Variants in THEMIS observed in about 807,000 individuals in gnomAD.
The protein encoded by THEMIS is protein THEMIS.
Under a neutral mutation model 52.6 loss-of-function variants are expected in THEMIS, and 37 were observed. That is an observed-to-expected ratio of 0.70 (90% confidence interval 0.54 to 0.93). The LOEUF (loss-of-function observed/expected upper bound fraction) is 0.93. Among genes scored for constraint, THEMIS ranks in the 40% least tolerant of loss-of-function variants. The pLI is 0.00. For synonymous variants in THEMIS, 292 were observed against 272.7 expected (o/e 1.07, Z -0.70); for missense variants, 808 against 763.1 (o/e 1.06, Z -0.69).
upstream of THEMIS, among the ~76,000 whole-genome samples, chr6:127,902,397 C>A (rs547277728): frequency 6.6e-6 from 1 of 151,242 alleles, no homozygotes; most frequent in East Asian, 1.9e-4. Context: ...GGAATCTACA[C>A]GTTTTCTTTA....
Position 127,900,996 on chromosome 6 carries a change from T to C in THEMIS, c.-64A>G. ...GAAACTTGTGGCTTCTGGGTGACAC[T>C]TGTCTGCAATTGCAGCCCCTGCTCA... On this transcript the variant is annotated 5_prime_UTR_variant, in exon 1 of 6. Coordinates refer to ENST00000368248, the MANE Select transcript of THEMIS (RefSeq NM_001010923.3). 8.1e-7 allele frequency: 1 copy of C among 1,242,228 alleles called. No homozygotes were observed. The highest frequency in any genetic ancestry group is 1.2e-5 in the South Asian group (1 of 83,088). The allele number at this position is 1,242,228 out of a possible 1,614,324, so 77.0% of individuals were successfully genotyped here.
At chr6:127,839,809 C>G (rs1243189526) in intron 2 of THEMIS, among the ~76,000 whole-genome samples, 1 of 152,108 alleles carries the variant, frequency 6.6e-6, no homozygotes, top group Admixed American at 6.6e-5. Context: ...CTCACCTAAG[C>G]ACTGCACATC....
chr6:127,813,615 G>A lies in THEMIS; in HGVS notation c.1026C>T (p.Phe342=). The change falls in exon 4 of 6, where the codon TTC becomes TTT. Residue 342 remains phenylalanine, a synonymous_variant. Coordinates refer to ENST00000368248, the MANE Select transcript of THEMIS (RefSeq NM_001010923.3). ...TTGGGAACTCCCTCGGTCGCCGCTT[G>A]AACTTGCCTTTATAGCTAGTGGGGA... ...FLIPTSYKGK[F]KRRPREFPTA... is the part of the protein sequence containing the mutation. 1 of 1,614,118 alleles carries A rather than the reference G, an allele frequency of 6.2e-7. No homozygotes were observed.
chr6:127,788,043 A>T (rs1777034829), intron 4 of THEMIS, among the ~76,000 whole-genome samples: 1 of 152,022 alleles, frequency 6.6e-6, no homozygotes, highest in African/African-American at 2.4e-5. Context: ...CACAGACAAG[A>T]GTTGAGTATA....
At chr6:127,699,132 C>T in the THEMIS span, among the ~76,000 whole-genome samples, 36 of 151,924 alleles carry the variant, frequency 2.4e-4, no homozygotes, top group East Asian at 5.8e-4. Context: ...AATCTAGTCT[C>T]TTTCAAGGTC....
upstream of THEMIS, among the ~76,000 whole-genome samples, chr6:127,904,105 T>C (rs1287278454): frequency 6.6e-6 from 1 of 151,974 alleles, no homozygotes; most frequent in Admixed American, 6.6e-5. Flanking sequence ...AGAACCTGAG[T>C]TGAGTTTTTG....
upstream of THEMIS, chr6:127,901,109 G>A: frequency 1.7e-6 from 1 of 591,988 alleles, no homozygotes. Context: ...TGAAGAGGGA[G>A]GGGGGAAGCA....
downstream of THEMIS, among the ~76,000 whole-genome samples, chr6:127,704,623 C>T (rs535986748): frequency 2.0e-5 from 3 of 152,276 alleles, no homozygotes; most frequent in African/African-American, 7.2e-5. Context: ...TGAAACTGCC[C>T]TCTTGAGCTA....
chr6:127,835,743 A>G (rs4897233), intron 2 of THEMIS, among the ~76,000 whole-genome samples: 58,562 of 151,516 alleles, frequency 0.39, 11,613 homozygotes, highest in East Asian at 0.59. Flanking sequence ...GCACAGATTG[A>G]GCAAAAATTT....
At chr6:127,791,634 G>C (rs1290815111) in intron 4 of THEMIS, among the ~76,000 whole-genome samples, 2 of 152,174 alleles carry the variant, frequency 1.3e-5, no homozygotes, top group African/African-American at 4.8e-5. Flanking sequence ...CCAGGAGCCT[G>C]TTTGCATCCT....
chr6:127,868,341 C>T, intron 1 of THEMIS: 1 of 659,558 alleles, frequency 1.5e-6, no homozygotes, highest in Non-Finnish European at 1.9e-6. Flanking sequence ...CAGTGTCCTC[C>T]TATGGATGGG....
intron 2 of THEMIS, among the ~76,000 whole-genome samples, chr6:127,850,751 G>T (rs1192313332): frequency 2.6e-5 from 4 of 151,720 alleles, no homozygotes; most frequent in African/African-American, 7.2e-5. Flanking sequence ...TTGGAAGGGG[G>T]TGAGGGATTA....
chr6:127,751,064 A>G (rs1008651513), intron 4 of THEMIS, among the ~76,000 whole-genome samples: 1 of 151,822 alleles, frequency 6.6e-6, no homozygotes, highest in Non-Finnish European at 1.5e-5. Context: ...AGTCAAATCT[A>G]AAATATTTAT....
intron 1 of THEMIS, among the ~76,000 whole-genome samples, chr6:127,855,404 T>C (rs1003246229): frequency 3.9e-5 from 6 of 151,994 alleles, no homozygotes; most frequent in African/African-American, 1.4e-4. Context: ...AAATCTTATT[T>C]TTGTTATTTT....
At chr6:127,705,578 G>C (rs145144234), downstream of THEMIS, among the ~76,000 whole-genome samples, 4 of 152,224 alleles carry the variant, frequency 2.6e-5, no homozygotes, top group East Asian at 7.7e-4. Context: ...AAGAATCTAT[G>C]CTTTCTCATA....
intron 4 of THEMIS, among the ~76,000 whole-genome samples, chr6:127,793,369 G>A (rs762959631): frequency 1.2e-4 from 19 of 152,310 alleles, no homozygotes; most frequent in South Asian, 2.1e-4. Context: ...AGTAAATCAG[G>A]TTTTGGAAGT....
chr6:127,705,317 C>T (rs1330352428), downstream of THEMIS, among the ~76,000 whole-genome samples: 1 of 152,200 alleles, frequency 6.6e-6, no homozygotes, highest in Non-Finnish European at 1.5e-5. Flanking sequence ...TGTCCTTATT[C>T]ACCCCAGTAC....
At chr6:127,870,878 A>G (rs1780136954) in intron 1 of THEMIS, among the ~76,000 whole-genome samples, 1 of 152,196 alleles carries the variant, frequency 6.6e-6, no homozygotes, top group Non-Finnish European at 1.5e-5. Flanking sequence ...AAATAGACAA[A>G]TCAACAATTA....
rs1439277225 is a variant in THEMIS, at chr6:127,816,945, CTCT to C, written c.710-3017_710-3015del. 4.6e-5 allele frequency among the ~76,000 whole-genome samples: 7 copies of C among 152,264 alleles called. No individual in the cohort carries two copies. In the East Asian group the frequency reaches 1.2e-3, roughly 25 times the overall value. ...AGCCAGATATGTTCACAGCCAACTC[CTCT>C]TCTTCTTCAAGTCTGCTTAAATATC... On this transcript the variant is annotated intron_variant, in intron 3 of 5. Coordinates refer to ENST00000368248, the MANE Select transcript of THEMIS (RefSeq NM_001010923.3).
Sources: gnomAD v4.1 joint callset for allele counts (sites outside exome capture counted in the v4.1 genomes callset) on GRCh38, gnomAD v4.1.1 for gene constraint, MANE v1.5 for transcripts, NCBI Gene and HGNC (gene_info 2026-07-23, HGNC 2026-07-21) for gene names.